The following KLRD1 variants were observed in gnomAD, a reference collection of about 807,000 sequenced individuals.
KLRD1 encodes killer cell lectin like receptor D1.
A neutral mutation model predicts 22.6 loss-of-function variants in KLRD1; 21 were observed. The observed-to-expected ratio is 0.93, with a 90% CI of 0.66 to 1.34. KLRD1 has a LOEUF of 1.34. KLRD1 is among the 40% of genes most tolerant of loss of function. The pLI is 0.00. For synonymous variants in KLRD1, 59 were observed against 71.1 expected, an observed-to-expected ratio of 0.83 and a Z score of 0.85; for missense variants, 183 against 208.6, an observed-to-expected ratio of 0.88 and a Z score of 0.76.
Position 10,318,798 on chromosome 12 carries a change from A to G in KLRD1, c.*4005A>G, listed in dbSNP as rs1006732775. 5.5e-5 allele frequency: 8 copies of G among 144,322 alleles called. No individual in the cohort carries two copies. The highest frequency in any genetic ancestry group is 2.1e-4 in the African/African-American group (8 of 37,582). 8.9% of individuals were successfully genotyped at this position (144,322 alleles called of 1,614,324 possible). On this transcript the variant is annotated 3_prime_UTR_variant, in exon 6 of 6. Coordinates refer to ENST00000336164, the MANE Select transcript of KLRD1 (RefSeq NM_002262.5). ...GAGACGGAGTTTACAGTGAGCTGAG[A>G]TCGCGCCACTGCACTCCAGCCTGGG...
At chr12:10,266,281 C>T (rs953066737) in intron 1 of KLRD1, among the ~76,000 whole-genome samples, 4 of 152,046 alleles carry the variant, frequency 2.6e-5, no homozygotes, top group Non-Finnish European at 4.4e-5. Context: ...TTGACAGTTT[C>T]ACACATCAAA....
rs1949628477 is a variant in KLRD1 at position 10,280,354 on chromosome 12, ATATT to A, written c.-100-27617_-100-27614del. Among the ~76,000 whole-genome samples, 5 of 152,360 alleles carry A rather than the reference ATATT, an allele frequency of 3.3e-5. No individual in the cohort carries two copies. The South Asian group carries it at 1.0e-3, about 32-fold the overall frequency. On this transcript the variant is annotated intron_variant, in intron 1 of 5. Coordinates refer to the KLRD1 transcript ENST00000544747. ...ATAGAGATGGACCGCTTCAGAATAA[ATATT>A]TATTTAATAATTATATGGAAAACAT...
At chr12:10,266,453 TA>T (rs1408628707) in intron 1 of KLRD1, among the ~76,000 whole-genome samples, 1 of 152,052 alleles carries the variant, frequency 6.6e-6, no homozygotes, top group African/African-American at 2.4e-5. Flanking sequence ...GCTCATCTTT[TA>T]AAAAAATTCT....
intron 4 of KLRD1, among the ~76,000 whole-genome samples, chr12:10,312,678 C>T (rs1357236289): frequency 1.3e-5 from 2 of 151,330 alleles, no homozygotes; most frequent in African/African-American, 4.8e-5. Context: ...GTGCCCGGCC[C>T]CTAATTACCC....
chr12:10,309,737 G>T, intron 3 of KLRD1, 49 bp downstream of exon 3: 1 of 1,293,946 alleles, frequency 7.7e-7, no homozygotes, highest in Non-Finnish European at 1.1e-6. Flanking sequence ...GATTAAATAG[G>T]CAGTTTCTTG....
chr12:10,313,425 A>T lies in KLRD1; in HGVS notation c.331A>T (p.Ser111Cys), dbSNP rs769283795. Residue 111 changes from serine (S) to cysteine (C), a missense_variant, in exon 5 of 6, where the codon AGT becomes TGT. Coordinates refer to ENST00000336164, the MANE Select transcript of KLRD1 (RefSeq NM_002262.5). ...NTDELDFMSS[S>C]QQFYWIGLSY... is the part of the protein sequence containing the mutation. ...CTTGAAGCAGGATTTTATGAGCTCCAGTCAACAATTTTACTGGATTGGACT... is the reference window on the plus strand; with the variant it reads ...CTTGAAGCAGGATTTTATGAGCTCCTGTCAACAATTTTACTGGATTGGACT... The T allele has an allele frequency of 6.2e-7, 1 of 1,600,564 alleles. No individual in the cohort carries two copies. The highest frequency in any genetic ancestry group is 8.5e-7 in the Non-Finnish European group (1 of 1,171,948).
At chr12:10,251,084 C>A (rs1441359852) in intron 1 of KLRD1, among the ~76,000 whole-genome samples, 4 of 152,196 alleles carry the variant, frequency 2.6e-5, no homozygotes, top group African/African-American at 9.6e-5. Context: ...ACATACTAAC[C>A]TTTCACTCTG....
At chr12:10,244,511 G>A (rs1949272532) in intron 1 of KLRD1, among the ~76,000 whole-genome samples, 1 of 152,172 alleles carries the variant, frequency 6.6e-6, no homozygotes, top group African/African-American at 2.4e-5. Context: ...GACTGGCACG[G>A]TGGCTCATGC....
intron 1 of KLRD1, among the ~76,000 whole-genome samples, chr12:10,298,780 C>T (rs1389627904): frequency 6.6e-6 from 1 of 152,222 alleles, no homozygotes; most frequent in Non-Finnish European, 1.5e-5. Flanking sequence ...ATAAGGAATA[C>T]TTTCAGTTAA....
At position 10,290,708 on chromosome 12, in the gene KLRD1, C is replaced by G. The variant is rs1949760561; in HGVS notation, c.-100-17270C>G. Reference sequence around the variant, plus strand: ...ATAAAGGAAAAGTTTCAGTATTTATCTTTAATAACCATGCTGCAGAGTAAC... The same window carrying G: ...ATAAAGGAAAAGTTTCAGTATTTATGTTTAATAACCATGCTGCAGAGTAAC... On this transcript the variant is annotated intron_variant, in intron 1 of 5. Coordinates refer to the KLRD1 transcript ENST00000544747. 2.6e-5 allele frequency among the ~76,000 whole-genome samples: 4 copies of G among 152,072 alleles called. No individual in the cohort carries two copies. The South Asian group carries it at 8.3e-4, about 32-fold the overall frequency.
intron 1 of KLRD1, among the ~76,000 whole-genome samples, chr12:10,242,632 G>A (rs1297377688): frequency 6.6e-6 from 1 of 152,114 alleles, no homozygotes; most frequent in African/African-American, 2.4e-5. Context: ...TTCTGCAAAT[G>A]GTTATACTAC....
chr12:10,257,139 C>CT (rs55950006), intron 1 of KLRD1, among the ~76,000 whole-genome samples: 119 of 130,280 alleles, frequency 9.1e-4, no homozygotes, highest in Middle Eastern at 4.0e-3. Flanking sequence ...CTTTTCTTTT[C>CT]TTTTTTTTTT....
chr12:10,308,726 G>A (rs1949981719), intron 1 of KLRD1: 1 of 153,298 alleles, frequency 6.5e-6, no homozygotes, highest in Non-Finnish European at 1.5e-5. Flanking sequence ...ACCAAGTCCA[G>A]AATGTTCCTA....
upstream of KLRD1, chr12:10,307,860 A>G: frequency 5.6e-6 from 3 of 534,810 alleles, 1 homozygote; most frequent in South Asian, 5.3e-5. Context: ...TTGTGATTCT[A>G]CTGCTTCTTA....
At chr12:10,269,781 ACTT>A (rs1949532484) in intron 1 of KLRD1, among the ~76,000 whole-genome samples, 1 of 151,998 alleles carries the variant, frequency 6.6e-6, no homozygotes, top group Non-Finnish European at 1.5e-5. Context: ...TTTTTAAAGA[ACTT>A]CTTCATGTTT....
At chr12:10,285,654 T>A (rs1302933622) in intron 1 of KLRD1, among the ~76,000 whole-genome samples, 2 of 152,192 alleles carry the variant, frequency 1.3e-5, no homozygotes, top group Non-Finnish European at 2.9e-5. Flanking sequence ...AAACACGCTA[T>A]CTCTAAGCAC....
chr12:10,278,533 G>A (rs1407832087), intron 1 of KLRD1, among the ~76,000 whole-genome samples: 2 of 152,066 alleles, frequency 1.3e-5, no homozygotes, highest in Non-Finnish European at 2.9e-5. Context: ...CACATATTAT[G>A]AATTCAAGAA....
rs1366768717 is a variant in KLRD1 at position 10,326,839 on chromosome 12, C to T, written c.*12046C>T. The T allele has an allele frequency of 6.6e-6, 1 of 152,146 alleles. No homozygotes were observed. Among genetic ancestry groups the T allele is most frequent in the African/African-American group, 2.4e-5 (1 of 41,420 alleles). 9.4% of individuals were successfully genotyped at this position (152,146 alleles called of 1,614,324 possible). A position where few individuals can be genotyped will look rare whatever the true frequency, so the allele number is the denominator to read the frequency against. On this transcript the variant is annotated 3_prime_UTR_variant, in exon 6 of 6. Coordinates refer to ENST00000336164, the MANE Select transcript of KLRD1 (RefSeq NM_002262.5). ...AAGCAGTTCCCAGCTTGAATTTTCCCTTTTGTTGAGTGATTTTGGGGGCCC... is the reference window on the plus strand; with the variant it reads ...AAGCAGTTCCCAGCTTGAATTTTCCTTTTTGTTGAGTGATTTTGGGGGCCC...
intron 1 of KLRD1, among the ~76,000 whole-genome samples, chr12:10,261,225 A>AATTATGAAGAGCG (rs1565451682): frequency 6.6e-6 from 1 of 152,154 alleles, no homozygotes; most frequent in Non-Finnish European, 1.5e-5. Flanking sequence ...TATGAAGAGC[A>AATTATGAAGAGCG]CCTTCTAAGA....
Sources: gnomAD v4.1 joint callset for allele counts (sites outside exome capture counted in the v4.1 genomes callset) on GRCh38, gnomAD v4.1.1 for gene constraint, MANE v1.5 for transcripts, NCBI Gene and HGNC (gene_info 2026-07-23, HGNC 2026-07-21) for gene names.